The following ADAMTS17 variants were observed in gnomAD, a reference collection of about 807,000 sequenced individuals.
ADAMTS17 encodes the protein A disintegrin and metalloproteinase with thrombospondin motifs 17.
In ADAMTS17, 113 loss-of-function variants were observed where a neutral mutation model predicts 141.5. The ratio of observed to expected loss-of-function variants is 0.80; its 90% CI spans 0.69 to 0.93. ADAMTS17 has a LOEUF of 0.93. Ranked by LOEUF, ADAMTS17 falls within the 40% of genes least tolerant of loss-of-function variation. ADAMTS17 has a pLI of 0.00. For missense variants in ADAMTS17, 1,659 were observed against 1,517.9 expected, an observed-to-expected ratio of 1.09 and a Z score of -1.54; for synonymous variants, 768 against 630.6, an observed-to-expected ratio of 1.22 and a Z score of -3.27.
chr15:100,202,501 T>C (rs536989376), intron 7 of ADAMTS17, among the ~76,000 whole-genome samples: 2 of 152,248 alleles, frequency 1.3e-5, no homozygotes, highest in East Asian at 1.9e-4. Context: ...TTATGAGAGA[T>C]GAGGTGGAAA....
At chr15:100,162,451 TATATATGCAC>T (rs2141417140) in intron 8 of ADAMTS17, among the ~76,000 whole-genome samples, 2 of 133,768 alleles carry the variant, frequency 1.5e-5, no homozygotes, top group African/African-American at 5.8e-5. Flanking sequence ...CATATAGTTA[TATATATGCAC>T]ATATACACAT....
chr15:100,296,699 T>A (rs2044835137), intron 3 of ADAMTS17, among the ~76,000 whole-genome samples: 1 of 152,118 alleles, frequency 6.6e-6, no homozygotes, highest in African/African-American at 2.4e-5. Context: ...GAGTCTAAAA[T>A]CAGTCCCCAT....
Position 100,281,578 on chromosome 15 carries a change from G to A in ADAMTS17, c.617-177C>T, listed in dbSNP as rs7496721. 0.41 allele frequency among the ~76,000 whole-genome samples: 62,741 copies of A among 151,842 alleles called. 13,575 individuals carry two copies. The highest frequency in any genetic ancestry group is 0.58 in the South Asian group (2,774 of 4,814). On this transcript the variant is annotated intron_variant, in intron 3 of 21. Transcript: ENST00000268070. ...GGGTGCCCCGAGTTCACTCACGTAG[G>A]GGGGTGCTGGCCCAAAAGAAGGGTA...
At chr15:100,092,614 C>A (rs913992864) in intron 15 of ADAMTS17, among the ~76,000 whole-genome samples, 1 of 152,184 alleles carries the variant, frequency 6.6e-6, no homozygotes, top group Non-Finnish European at 1.5e-5. Context: ...TCCGCCCCCA[C>A]GAGATTCCAC....
intron 10 of ADAMTS17, among the ~76,000 whole-genome samples, chr15:100,135,178 T>A (rs907002766): frequency 6.6e-6 from 1 of 151,620 alleles, no homozygotes; most frequent in African/African-American, 2.4e-5. Context: ...TTTCTAACCA[T>A]CAAAGAAAAG....
intron 20 of ADAMTS17, among the ~76,000 whole-genome samples, chr15:99,985,184 TC>T (rs757742334): frequency 2.2e-4 from 34 of 152,242 alleles, no homozygotes; most frequent in Non-Finnish European, 4.7e-4. Context: ...GAAGTGTCTG[TC>T]CCCGCTCCTT....
At chr15:100,063,345 G>A (rs1471774289) in intron 15 of ADAMTS17, among the ~76,000 whole-genome samples, 2 of 152,218 alleles carry the variant, frequency 1.3e-5, no homozygotes. Flanking sequence ...TCAGACTCAA[G>A]CTGCTCTCAG....
intron 3 of ADAMTS17, among the ~76,000 whole-genome samples, chr15:100,315,714 T>C (rs911212063): frequency 5.9e-5 from 9 of 151,664 alleles, no homozygotes; most frequent in African/African-American, 1.7e-4. Flanking sequence ...AAAAATACAC[T>C]AAAAGACAAC....
At chr15:100,340,995 G>T (rs1328489221) in intron 2 of ADAMTS17, 44 bp downstream of exon 2, 3 of 1,516,742 alleles carry the variant, frequency 2.0e-6, no homozygotes, top group East Asian at 2.5e-5. Flanking sequence ...ACTCTGCGTC[G>T]CAACAGACCG....
At chr15:100,174,577 CTTT>C (rs986421336) in intron 8 of ADAMTS17, among the ~76,000 whole-genome samples, 1 of 152,172 alleles carries the variant, frequency 6.6e-6, no homozygotes, top group African/African-American at 2.4e-5. Context: ...TAAAGCAATA[CTTT>C]TTTACCTTAA....
chr15:100,150,229 G>T (rs1291815433), intron 10 of ADAMTS17, among the ~76,000 whole-genome samples: 2 of 152,146 alleles, frequency 1.3e-5, no homozygotes, highest in Non-Finnish European at 2.9e-5. Context: ...AAAGCTGAGG[G>T]AATCATTGCT....
intron 7 of ADAMTS17, among the ~76,000 whole-genome samples, chr15:100,208,099 AG>A (rs1324619621): frequency 2.0e-5 from 3 of 152,196 alleles, no homozygotes; most frequent in Admixed American, 6.5e-5. Context: ...GGAAGCTTCC[AG>A]GTCTGTTGCA....
chr15:100,150,561 A>AAG (rs1185342235), intron 10 of ADAMTS17, among the ~76,000 whole-genome samples: 3 of 152,208 alleles, frequency 2.0e-5, no homozygotes, highest in Non-Finnish European at 4.4e-5. Context: ...GTGAGTCCCC[A>AAG]GTACAAGTGC....
At chr15:100,181,668 G>C (rs1023387335) in intron 8 of ADAMTS17, among the ~76,000 whole-genome samples, 1 of 152,218 alleles carries the variant, frequency 6.6e-6, no homozygotes, top group Non-Finnish European at 1.5e-5. Context: ...CTATCTTCCT[G>C]TGGCTGAGCT....
At chr15:100,078,769 A>T (rs1225528478) in intron 15 of ADAMTS17, among the ~76,000 whole-genome samples, 1 of 152,222 alleles carries the variant, frequency 6.6e-6, no homozygotes, top group Non-Finnish European at 1.5e-5. Context: ...CCATCAAGAG[A>T]GTGAAAAGCC....
At chr15:100,229,859 C>G (rs1313350896) in intron 7 of ADAMTS17, among the ~76,000 whole-genome samples, 4 of 152,218 alleles carry the variant, frequency 2.6e-5, no homozygotes, top group African/African-American at 9.6e-5. Flanking sequence ...CAGGTGGACA[C>G]AGAGCCAAGA....
chr15:100,227,983 G>A (rs574257376), intron 7 of ADAMTS17, among the ~76,000 whole-genome samples: 2 of 152,232 alleles, frequency 1.3e-5, no homozygotes, highest in South Asian at 2.1e-4. Flanking sequence ...TCTGCCCATA[G>A]CTCTTTGATG....
At chr15:100,207,754 G>A (rs1188269856) in intron 7 of ADAMTS17, among the ~76,000 whole-genome samples, 1 of 152,138 alleles carries the variant, frequency 6.6e-6, no homozygotes, top group East Asian at 1.9e-4. Context: ...TGACAATGGG[G>A]TACACCTTGC....
At chr15:100,294,656 A>G (rs2044749550) in intron 3 of ADAMTS17, among the ~76,000 whole-genome samples, 1 of 152,074 alleles carries the variant, frequency 6.6e-6, no homozygotes, top group South Asian at 2.1e-4. Flanking sequence ...GCATTGAGCC[A>G]TGACCGTGCC....
Sources: allele counts gnomAD v4.1 joint callset (sites outside exome capture counted in the v4.1 genomes callset), GRCh38; gene constraint gnomAD v4.1.1; transcripts MANE v1.5; gene names NCBI Gene and HGNC (gene_info 2026-07-23, HGNC 2026-07-21).